PRKD1: variants seen among roughly 807,000 people sequenced by gnomAD.
PRKD1 encodes the protein serine/threonine-protein kinase D1.
In PRKD1, 63 loss-of-function variants were observed where a neutral mutation model predicts 95.9. The observed-to-expected ratio is 0.66, with a 90% CI of 0.54 to 0.81. The LOEUF (loss-of-function observed/expected upper bound fraction) is 0.81, where lower values mean the gene tolerates loss of function less well. PRKD1 is among the 30% of genes least tolerant of loss of function. PRKD1 has a pLI of 0.00. For synonymous variants in PRKD1, 425 were observed against 423.1 expected, an observed-to-expected ratio of 1.00 and a Z score of -0.05; for missense variants, 1,048 against 1,165.3, an observed-to-expected ratio of 0.90 and a Z score of 1.47.
chr14:29,826,127 T>C (rs754717404), intron 1 of PRKD1, among the ~76,000 whole-genome samples: 2 of 150,248 alleles, frequency 1.3e-5, no homozygotes, highest in Non-Finnish European at 3.0e-5. Context: ...TGTGTCTCTC[T>C]CTATATATAT....
intron 1 of PRKD1, among the ~76,000 whole-genome samples, chr14:29,907,996 A>G (rs995792137): frequency 2.6e-5 from 4 of 152,172 alleles, no homozygotes; most frequent in African/African-American, 9.7e-5. Context: ...GTGGTTTTAT[A>G]GTTTATTTGT....
intron 15 of PRKD1, 84 bp from the exon 16 acceptor site, chr14:29,597,842 T>C: frequency 3.0e-6 from 4 of 1,320,730 alleles, no homozygotes; most frequent in Admixed American, 2.6e-5. Context: ...GATACAACCA[T>C]AATATTTTAA....
chr14:29,619,167 C>CT lies in PRKD1; in HGVS notation c.1905+4984dup, dbSNP rs560542403. 5.8e-3 allele frequency among the ~76,000 whole-genome samples: 854 copies of CT among 147,114 alleles called. 5 individuals carry two copies. The highest frequency in any genetic ancestry group is 0.033 in the South Asian group (152 of 4,632). On this transcript the variant is annotated intron_variant, in intron 13 of 17. Transcript: ENST00000331968. ...CATTCAATTGACTTCAATCACGGTA[C>CT]TTTTTTTTTTTAACAGATGAGAGTT...
At chr14:29,804,637 A>C (rs1890164918) in intron 1 of PRKD1, among the ~76,000 whole-genome samples, 1 of 152,154 alleles carries the variant, frequency 6.6e-6, no homozygotes, top group Non-Finnish European at 1.5e-5. Context: ...TTACCACAGT[A>C]ACAAAGTGAA....
intron 1 of PRKD1, among the ~76,000 whole-genome samples, chr14:29,900,332 C>G (rs1894278059): frequency 6.6e-6 from 1 of 152,152 alleles, no homozygotes; most frequent in Non-Finnish European, 1.5e-5. Context: ...CCTAACCATT[C>G]CCTTATAGAG....
At chr14:29,891,668 T>G (rs1893941844) in intron 1 of PRKD1, among the ~76,000 whole-genome samples, 1 of 151,972 alleles carries the variant, frequency 6.6e-6, no homozygotes, top group African/African-American at 2.4e-5. Context: ...GTTTTTTTTT[T>G]TTCGTTTAAA....
chr14:29,606,135 C>T (rs1321611686), intron 13 of PRKD1, among the ~76,000 whole-genome samples: 1 of 152,110 alleles, frequency 6.6e-6, no homozygotes, highest in Non-Finnish European at 1.5e-5. Context: ...GCCTCAGTCT[C>T]CCAAGTAGCT....
chr14:29,577,021 C>T lies in PRKD1; in HGVS notation c.*217G>A. Reference sequence around the variant, plus strand: ...ATTCACAATAACAAGTTTCGTGTTTCAGGGAACTTTTGTTAATACAACACA... The same window carrying T: ...ATTCACAATAACAAGTTTCGTGTTTTAGGGAACTTTTGTTAATACAACACA... On this transcript the variant is annotated 3_prime_UTR_variant, in exon 18 of 18. Coordinates refer to ENST00000331968, the MANE Select transcript of PRKD1 (RefSeq NM_002742.3). 1 of 582,078 alleles carries T rather than the reference C, an allele frequency of 1.7e-6. No individual in the cohort carries two copies. Among genetic ancestry groups the T allele is most frequent in the South Asian group, 2.1e-5 (1 of 46,554 alleles). 36.1% of individuals were successfully genotyped at this position (582,078 alleles called of 1,614,324 possible).
intron 2 of PRKD1, among the ~76,000 whole-genome samples, chr14:29,719,844 A>G (rs546117460): frequency 6.6e-6 from 1 of 152,312 alleles, no homozygotes; most frequent in East Asian, 1.9e-4. Context: ...GTCATCACCC[A>G]GAGGAGTATC....
At chr14:29,737,362 A>AAAAAC (rs1886781112) in intron 1 of PRKD1, among the ~76,000 whole-genome samples, 1 of 132,588 alleles carries the variant, frequency 7.5e-6, no homozygotes, top group Admixed American at 7.7e-5. Flanking sequence ...AAAAAAAAAA[A>AAAAAC]TACTCTGCCA....
intron 12 of PRKD1, among the ~76,000 whole-genome samples, chr14:29,625,452 A>G (rs1462834706): frequency 6.6e-6 from 1 of 152,118 alleles, no homozygotes; most frequent in Non-Finnish European, 1.5e-5. Context: ...ATTATCTGGC[A>G]TCTGCTGGTC....
At chr14:29,596,793 G>A (rs1213997844) in intron 16 of PRKD1, among the ~76,000 whole-genome samples, 4 of 152,088 alleles carry the variant, frequency 2.6e-5, no homozygotes, top group Non-Finnish European at 4.4e-5. Flanking sequence ...ACTCCTTTCC[G>A]AAGTACTGAA....
intron 1 of PRKD1, among the ~76,000 whole-genome samples, chr14:29,849,851 C>G (rs1892235065): frequency 6.6e-6 from 1 of 152,076 alleles, no homozygotes. Flanking sequence ...TCTTCATTTA[C>G]CAGGATCTAG....
chr14:29,902,050 TCA>T (rs1375470129), intron 1 of PRKD1, among the ~76,000 whole-genome samples: 1 of 152,144 alleles, frequency 6.6e-6, no homozygotes, highest in Non-Finnish European at 1.5e-5. Context: ...CATACCACTC[TCA>T]CAGGGCTCTA....
chr14:29,670,887 CCAA>C (rs1172482542), intron 2 of PRKD1, among the ~76,000 whole-genome samples: 2 of 152,136 alleles, frequency 1.3e-5, no homozygotes, highest in Non-Finnish European at 2.9e-5. Context: ...CCACAGCTCT[CCAA>C]CAACAAGAAC....
intron 1 of PRKD1, among the ~76,000 whole-genome samples, chr14:29,912,751 G>A (rs1456888333): frequency 6.6e-6 from 1 of 152,130 alleles, no homozygotes; most frequent in East Asian, 1.9e-4. Context: ...ATTTTCTCCA[G>A]TGAAAAGAAC....
rs73259521 is a variant in PRKD1, at chr14:29,741,409, T to C, written c.265-15735A>G. 6.9e-3 allele frequency among the ~76,000 whole-genome samples: 1,058 copies of C among 152,352 alleles called. 20 individuals are homozygous for C. Among genetic ancestry groups the C allele is most frequent in the East Asian group, 0.039 (202 of 5,192 alleles). ...GTGTATATACTTGCATATATACTTA[T>C]ACCTGTTTGTATGTTTATTACTTCA... On this transcript the variant is annotated intron_variant, in intron 1 of 17. Coordinates refer to ENST00000331968, the MANE Select transcript of PRKD1 (RefSeq NM_002742.3).
chr14:29,655,690 A>G (rs1325501401), intron 4 of PRKD1, among the ~76,000 whole-genome samples: 2 of 152,114 alleles, frequency 1.3e-5, no homozygotes, highest in South Asian at 2.1e-4. Context: ...AAAAAGGCCA[A>G]TTTTGGAGGA....
chr14:29,652,541 T>A (rs1237415402), intron 4 of PRKD1, among the ~76,000 whole-genome samples: 1 of 152,170 alleles, frequency 6.6e-6, no homozygotes, highest in Non-Finnish European at 1.5e-5. Flanking sequence ...CCCCAGAAAC[T>A]CACTACTGCA....
Sources: allele counts gnomAD v4.1 joint callset (sites outside exome capture counted in the v4.1 genomes callset), GRCh38; gene constraint gnomAD v4.1.1; transcripts MANE v1.5; gene names NCBI Gene and HGNC (gene_info 2026-07-23, HGNC 2026-07-21).